The following PTPRN2 variants were observed in gnomAD, a reference collection of about 807,000 sequenced individuals.
PTPRN2 encodes receptor-type tyrosine-protein phosphatase N2.
Under a neutral mutation model 118.8 loss-of-function variants are expected in PTPRN2, and 74 were observed. The ratio of observed to expected loss-of-function variants is 0.62; its 90% CI spans 0.52 to 0.76. The LOEUF is 0.76. Among genes scored for constraint, PTPRN2 ranks in the 30% least tolerant of loss-of-function variants. The pLI is 0.00. For missense variants in PTPRN2, 1,481 were observed against 1,394.4 expected (o/e 1.06, Z -0.99); for synonymous variants, 641 against 608.0 (o/e 1.05, Z -0.80).
intron 4 of PTPRN2, among the ~76,000 whole-genome samples, chr7:158,203,224 C>G (rs1333000531): frequency 4.3e-5 from 1 of 23,044 alleles, no homozygotes; most frequent in Non-Finnish European, 7.4e-5. Flanking sequence ...GAAGCAAGAG[C>G]CAAAAAAAAA....
intron 11 of PTPRN2, among the ~76,000 whole-genome samples, chr7:157,970,647 C>CG (rs66974107): frequency 6.7e-6 from 1 of 149,838 alleles, no homozygotes. Flanking sequence ...CCCCCCCCCC[C>CG]ACAGGTTGCC....
rs2128942899 is a variant in PTPRN2, at chr7:158,089,809, G to A, written c.1644-8432C>T. On this transcript the variant is annotated intron_variant, in intron 10 of 22. Transcript: ENST00000389418. ...ACAAATCCTTCTTCCCCTGACGAAA[G>A]AGGGAGTCTTCACACACATCCTTCC... Among the ~76,000 whole-genome samples the A allele has an allele frequency of 1.0e-4, 13 of 128,066 alleles. 4 individuals are homozygous for A. Among genetic ancestry groups the A allele is most frequent in the Non-Finnish European group, 1.3e-4 (8 of 59,880 alleles). 84.0% of individuals were successfully genotyped at this position (128,066 alleles called of 152,430 possible).
At chr7:158,576,532 C>T (rs916989422) in intron 1 of PTPRN2, among the ~76,000 whole-genome samples, 6 of 152,230 alleles carry the variant, frequency 3.9e-5, no homozygotes, top group African/African-American at 1.2e-4. Flanking sequence ...CCTGCCTCTC[C>T]CGCAGAGGCC....
rs1213153743 is a variant in PTPRN2, at chr7:158,003,621, G to T, written c.1723+77677C>A. Among the ~76,000 whole-genome samples the T allele has an allele frequency of 6.6e-6, 1 of 152,078 alleles. No individual in the cohort carries two copies. The highest frequency in any genetic ancestry group is 1.5e-5 in the Non-Finnish European group (1 of 68,018). On this transcript the variant is annotated intron_variant, in intron 11 of 22. Coordinates refer to ENST00000389418, the MANE Select transcript of PTPRN2 (RefSeq NM_002847.5). The surrounding 1 kb of genome is among the most constrained non-coding windows in gnomAD (Gnocchi z 5.0). ...AGGCGTCCCAGACCCAGGCCTTGGG[G>T]ACTGCAGAGGATGGATGTCTGCCCC...
intron 12 of PTPRN2, among the ~76,000 whole-genome samples, chr7:157,730,839 C>T (rs896957727): frequency 6.6e-5 from 10 of 152,182 alleles, no homozygotes; most frequent in Non-Finnish European, 1.2e-4. Flanking sequence ...GGGGAGGGCT[C>T]TGACCTCGGC....
chr7:158,331,208 C>A (rs1586300091), intron 2 of PTPRN2, among the ~76,000 whole-genome samples: 1 of 148,390 alleles, frequency 6.7e-6, no homozygotes, highest in Non-Finnish European at 1.5e-5. Flanking sequence ...CTCACACCCA[C>A]ACTCTCACCA....
chr7:158,401,672 T>C (rs1194239420), intron 2 of PTPRN2, among the ~76,000 whole-genome samples: 1 of 152,270 alleles, frequency 6.6e-6, no homozygotes, highest in Non-Finnish European at 1.5e-5. Context: ...AAGAAATGTC[T>C]TTAGTAAAAT....
intron 13 of PTPRN2, among the ~76,000 whole-genome samples, chr7:157,662,525 G>T (rs1450417473): frequency 6.6e-6 from 1 of 152,216 alleles, no homozygotes; most frequent in Non-Finnish European, 1.5e-5. Flanking sequence ...GTGCCGTGGG[G>T]CCGGGAGGAG....
chr7:158,226,146 T>C (rs1217367381), intron 3 of PTPRN2, among the ~76,000 whole-genome samples: 1 of 152,246 alleles, frequency 6.6e-6, no homozygotes, highest in Non-Finnish European at 1.5e-5. Context: ...GTCCTTCCTA[T>C]TTTAATCCTC....
At chr7:158,144,180 T>G (rs1389276997) in intron 6 of PTPRN2, among the ~76,000 whole-genome samples, 1 of 152,214 alleles carries the variant, frequency 6.6e-6, no homozygotes, top group Non-Finnish European at 1.5e-5. Flanking sequence ...TTAAATGTTC[T>G]CGAATTCGGC....
intron 11 of PTPRN2, among the ~76,000 whole-genome samples, chr7:158,024,718 G>A (rs1807139782): frequency 6.6e-6 from 1 of 152,150 alleles, no homozygotes. Flanking sequence ...TTTAGGAGCA[G>A]GAAGGGGGCC....
At chr7:157,915,621 C>G (rs1213627528) in intron 11 of PTPRN2, among the ~76,000 whole-genome samples, 1 of 152,052 alleles carries the variant, frequency 6.6e-6, no homozygotes, top group Non-Finnish European at 1.5e-5. Context: ...ATTAGCCTTA[C>G]CATATCAGGA....
At chr7:158,531,935 C>T (rs900863652) in intron 1 of PTPRN2, among the ~76,000 whole-genome samples, 1 of 152,202 alleles carries the variant, frequency 6.6e-6, no homozygotes, top group East Asian at 1.9e-4. Flanking sequence ...CGCCGAGAAG[C>T]CCAGGCATTT....
At chr7:157,939,891 C>G (rs893580361) in intron 11 of PTPRN2, among the ~76,000 whole-genome samples, 1 of 152,166 alleles carries the variant, frequency 6.6e-6, no homozygotes, top group Non-Finnish European at 1.5e-5. Context: ...CAGCACAGAG[C>G]AGAGTGGAGG....
Position 157,881,192 on chromosome 7 carries a change from G to A in PTPRN2, c.1788+17481C>T, listed in dbSNP as rs1055799520. 3.3e-5 allele frequency among the ~76,000 whole-genome samples: 5 copies of A among 150,568 alleles called. No homozygotes were observed. In the East Asian group the frequency reaches 5.9e-4, roughly 18 times the overall value. ...AATCATTACGGTAAAATGAGGTCAT[G>A]AGGGTATGTGGAGATGGGGGTGTTT... On this transcript the variant is annotated intron_variant, in intron 12 of 22. Coordinates refer to ENST00000389418, the MANE Select transcript of PTPRN2 (RefSeq NM_002847.5). The surrounding 1 kb of genome is among the most constrained non-coding windows in gnomAD (Gnocchi z 4.7).
intron 3 of PTPRN2, among the ~76,000 whole-genome samples, chr7:158,222,819 A>G (rs1302412559): frequency 6.6e-6 from 1 of 152,218 alleles, no homozygotes; most frequent in Non-Finnish European, 1.5e-5. Flanking sequence ...AGAAGAAAAT[A>G]AATAATAAGG....
At chr7:157,691,072 C>CG (rs1554524113) in intron 12 of PTPRN2, among the ~76,000 whole-genome samples, 2 of 113,154 alleles carry the variant, frequency 1.8e-5, no homozygotes, top group African/African-American at 6.1e-5. Context: ...CGATGTCCCC[C>CG]CCCCCCCCCA....
chr7:158,342,158 C>T (rs1806987337), intron 2 of PTPRN2, among the ~76,000 whole-genome samples: 1 of 149,532 alleles, frequency 6.7e-6, no homozygotes, highest in South Asian at 2.1e-4. Context: ...GTCACTCACA[C>T]CCACACTCTC....
At chr7:158,247,173 G>C (rs1796311662) in intron 3 of PTPRN2, among the ~76,000 whole-genome samples, 1 of 152,140 alleles carries the variant, frequency 6.6e-6, no homozygotes, top group South Asian at 2.1e-4. Context: ...TCACTACACA[G>C]AGCGTGGCCC....
Sources: allele counts gnomAD v4.1 joint callset (sites outside exome capture counted in the v4.1 genomes callset), GRCh38; gene constraint gnomAD v4.1.1; non-coding constraint Gnocchi (gnomAD v3.1); transcripts MANE v1.5; gene names NCBI Gene and HGNC (gene_info 2026-07-23, HGNC 2026-07-21).